The following PTCD2 variants were observed in gnomAD, a reference collection of about 807,000 sequenced individuals.
PTCD2 encodes the protein pentatricopeptide repeat domain 2, also known as pentatricopeptide repeat-containing protein 2, mitochondrial.
In PTCD2, 31 loss-of-function variants were observed where a neutral mutation model predicts 42.6. The observed-to-expected ratio is 0.73, with a 90% CI of 0.55 to 0.98. The LOEUF (loss-of-function observed/expected upper bound fraction) is 0.98. PTCD2 is among the 50% of genes least tolerant of loss of function. The pLI, the probability that PTCD2 is intolerant of heterozygous loss-of-function variation, is 0.00. For synonymous variants in PTCD2, 183 were observed against 170.9 expected (o/e 1.07, Z -0.55); for missense variants, 476 against 454.8 (o/e 1.05, Z -0.42).
chr5:72,349,887 T>C (rs1307074465), intron 8 of PTCD2, among the ~76,000 whole-genome samples: 1 of 152,208 alleles, frequency 6.6e-6, no homozygotes, highest in Non-Finnish European at 1.5e-5. Context: ...ATGAGCCTTA[T>C]TTTTGAAATC....
At chr5:72,350,548 C>T (rs994501558) in intron 8 of PTCD2, among the ~76,000 whole-genome samples, 2 of 152,184 alleles carry the variant, frequency 1.3e-5, no homozygotes, top group African/African-American at 4.8e-5. Context: ...GGAATAAAAG[C>T]AGTCAGTGCT....
intron 2 of PTCD2, among the ~76,000 whole-genome samples, chr5:72,323,107 A>T (rs1750950389): frequency 6.6e-6 from 1 of 152,096 alleles, no homozygotes; most frequent in Non-Finnish European, 1.5e-5. Context: ...CCATGATCAC[A>T]CCACTGCACT....
At chr5:72,349,600 G>A (rs60408300) in intron 8 of PTCD2, among the ~76,000 whole-genome samples, 4 of 152,162 alleles carry the variant, frequency 2.6e-5, no homozygotes, top group African/African-American at 7.2e-5. Context: ...ATCTAGTAAC[G>A]TATTTCCTGA....
At chr5:72,336,168 C>T (rs373428287) in intron 6 of PTCD2, among the ~76,000 whole-genome samples, 8 of 152,276 alleles carry the variant, frequency 5.3e-5, no homozygotes, top group South Asian at 2.1e-4. Flanking sequence ...AAAGTCATCA[C>T]GCATGCTGGA....
chr5:72,341,120 C>T (rs537244044), intron 7 of PTCD2, among the ~76,000 whole-genome samples: 37 of 152,032 alleles, frequency 2.4e-4, no homozygotes, highest in Admixed American at 6.6e-5. Context: ...ATGCGCCCAG[C>T]CAAATTTTTG....
chr5:72,335,013 G>T lies in PTCD2; in HGVS notation c.469-5G>T, dbSNP rs753290727. 1.9e-6 allele frequency: 3 copies of T among 1,570,840 alleles called. No individual in the cohort carries two copies. In the Admixed American group the frequency reaches 5.0e-5, roughly 26 times the overall value. On this transcript the variant is annotated splice_polypyrimidine_tract_variant and splice_region_variant and intron_variant, in intron 4 of 9. Transcript: ENST00000380639. ...TAACCAAACTGTATTGTTCTTCTTC[G>T]TTAGCATTTACGAGGTTTCTTCTCA...
intron 9 of PTCD2, among the ~76,000 whole-genome samples, chr5:72,355,548 T>G (rs1752834592): frequency 6.6e-6 from 1 of 152,172 alleles, no homozygotes; most frequent in Non-Finnish European, 1.5e-5. Context: ...TTTGCAGAAC[T>G]GTAAAGCAGA....
At position 72,365,608 on chromosome 5, in the gene PTCD2, C is replaced by G. The variant is rs1753186088; in HGVS notation, c.*7181C>G. 1 of 152,190 alleles carries G rather than the reference C, an allele frequency of 6.6e-6. No individual in the cohort carries two copies. The highest frequency in any genetic ancestry group is 2.1e-4 in the South Asian group (1 of 4,832). 9.4% of individuals were successfully genotyped at this position (152,190 alleles called of 1,614,324 possible). ...AGGGAGACTCATGTAGCCATGAAGA[C>G]TGAAGAGGATTAAGTTAACCTTCCA... On this transcript the variant is annotated 3_prime_UTR_variant, in exon 10 of 10. Coordinates refer to ENST00000380639, the MANE Select transcript of PTCD2 (RefSeq NM_024754.5).
intron 6 of PTCD2, among the ~76,000 whole-genome samples, chr5:72,337,728 C>T (rs921825993): frequency 5.3e-5 from 8 of 152,120 alleles, no homozygotes; most frequent in African/African-American, 1.2e-4. Context: ...GGGAGGCAGA[C>T]GTTGCGGTGA....
At chr5:72,341,172 G>T (rs1752039320) in intron 7 of PTCD2, among the ~76,000 whole-genome samples, 2 of 151,928 alleles carry the variant, frequency 1.3e-5, no homozygotes, top group Non-Finnish European at 2.9e-5. Flanking sequence ...TTGTATTTTA[G>T]TAGAGACAGG....
At chr5:72,352,247 A>T (rs556459118) in intron 8 of PTCD2, among the ~76,000 whole-genome samples, 2 of 152,292 alleles carry the variant, frequency 1.3e-5, no homozygotes, top group South Asian at 4.2e-4. Context: ...TCTCAGGTTC[A>T]AGTGATTCTC....
chr5:72,351,228 G>T (rs1752604140), intron 8 of PTCD2, among the ~76,000 whole-genome samples: 1 of 152,084 alleles, frequency 6.6e-6, no homozygotes, highest in South Asian at 2.1e-4. Flanking sequence ...TGGTAATTGG[G>T]GGGAGATGTG....
intron 3 of PTCD2, among the ~76,000 whole-genome samples, chr5:72,330,460 AAATATG>A (rs781633069): frequency 6.6e-6 from 1 of 152,218 alleles, no homozygotes; most frequent in Non-Finnish European, 1.5e-5. Flanking sequence ...AATCTGAAAG[AAATATG>A]AATATGAAGA....
intron 9 of PTCD2, 95 bp from the exon 10 acceptor site, chr5:72,358,108 T>G: frequency 8.6e-7 from 1 of 1,168,720 alleles, no homozygotes; most frequent in Non-Finnish European, 1.2e-6. Flanking sequence ...CTACCATACA[T>G]TTTTGTTCAT....
chr5:72,329,312 G>A (rs1748463061), intron 3 of PTCD2, among the ~76,000 whole-genome samples: 1 of 152,212 alleles, frequency 6.6e-6, no homozygotes, highest in Admixed American at 6.5e-5. Flanking sequence ...GAGTCAGGCA[G>A]CCCGTGGCTG....
In PTCD2 at chr5:72,367,043, G is replaced by A. The variant is rs182359957; in HGVS notation, c.*8616G>A. ...AAGGAATTAGGATCTTGGTTATTTT[G>A]ATTGTCTCTCTACCCTTCCAGATTC... On this transcript the variant is annotated 3_prime_UTR_variant, in exon 10 of 10. Coordinates refer to ENST00000380639, the MANE Select transcript of PTCD2 (RefSeq NM_024754.5). The A allele has an allele frequency of 9.1e-4, 139 of 152,276 alleles. No individual in the cohort carries two copies. The highest frequency in any genetic ancestry group is 3.2e-3 in the African/African-American group (131 of 41,554). 9.4% of individuals were successfully genotyped at this position (152,276 alleles called of 1,614,324 possible).
intron 4 of PTCD2, among the ~76,000 whole-genome samples, chr5:72,332,977 C>T (rs1327864186): frequency 6.6e-6 from 1 of 152,096 alleles, no homozygotes; most frequent in Non-Finnish European, 1.5e-5. Flanking sequence ...ATAATTTAGT[C>T]TATTTCTGTT....
In PTCD2 at chr5:72,366,808, T is replaced by C. The variant is rs1369702463; in HGVS notation, c.*8381T>C. 2 of 152,254 alleles carry C rather than the reference T, an allele frequency of 1.3e-5. No individual in the cohort carries two copies. The highest frequency in any genetic ancestry group is 2.9e-5 in the Non-Finnish European group (2 of 68,052). The allele number at this position is 152,254 out of a possible 1,614,324, so 9.4% of individuals were successfully genotyped here. Reference sequence around the variant, plus strand: ...GTAGACCAATGTAAGTATCATGCAATGTGTCCATGTGCGTGTACACGTGAG... The same window carrying C: ...GTAGACCAATGTAAGTATCATGCAACGTGTCCATGTGCGTGTACACGTGAG... On this transcript the variant is annotated 3_prime_UTR_variant, in exon 10 of 10. Coordinates refer to ENST00000380639, the MANE Select transcript of PTCD2 (RefSeq NM_024754.5).
rs1011131783 is a variant in PTCD2, at chr5:72,361,691, A to C, written c.*3264A>C. The C allele has an allele frequency of 6.6e-6, 1 of 152,226 alleles. No homozygotes were observed. The highest frequency in any genetic ancestry group is 2.4e-5 in the African/African-American group (1 of 41,454). 9.4% of individuals were successfully genotyped at this position (152,226 alleles called of 1,614,324 possible). A position where few individuals can be genotyped will look rare whatever the true frequency, so the allele number is the denominator to read the frequency against. ...GTTTAAAACCTCCTGAGGACCTCAC[A>C]TGCTTCTGGATAAAGCTCAGGCTCT... is the stretch of plus-strand genomic sequence containing the variant. On this transcript the variant is annotated 3_prime_UTR_variant, in exon 10 of 10. Transcript: ENST00000380639.
Sources: allele counts gnomAD v4.1 joint callset (sites outside exome capture counted in the v4.1 genomes callset), GRCh38; gene constraint gnomAD v4.1.1; transcripts MANE v1.5; gene names NCBI Gene and HGNC (gene_info 2026-07-23, HGNC 2026-07-21).